Variants in HMGCLL1 observed in about 807,000 individuals in gnomAD.
HMGCLL1 encodes 3-hydroxy-3-methylglutaryl-CoA lyase like 1, also known as 3-hydroxymethyl-3-methylglutaryl-CoA lyase, cytoplasmic.
A neutral mutation model predicts 39.1 loss-of-function variants in HMGCLL1; 36 were observed. The observed-to-expected ratio is 0.92, with a 90% CI of 0.71 to 1.22. The LOEUF (loss-of-function observed/expected upper bound fraction) is 1.22, where lower values mean the gene tolerates loss of function less well. Ranked by LOEUF, HMGCLL1 falls within the 50% of genes most tolerant of loss-of-function variation. The pLI is 0.00. For missense variants in HMGCLL1, 451 were observed against 416.5 expected (o/e 1.08, Z -0.72); for synonymous variants, 149 against 144.0 (o/e 1.03, Z -0.25).
In HMGCLL1 at chr6:55,514,045, T is replaced by C. The variant is rs1767603840; in HGVS notation, c.542+3A>G. The C allele has an allele frequency of 1.2e-6, 2 of 1,609,716 alleles. No individual in the cohort carries two copies. The highest frequency in any genetic ancestry group is 2.2e-5 in the East Asian group (1 of 44,578). On this transcript the variant is annotated splice_donor_region_variant and intron_variant, in intron 5 of 8. Transcript: ENST00000274901. ...AACAGAATTTGTGGGATTTCATAAG[T>C]ACCCTCGTGCTGGAATATTCATGTG...
chr6:55,517,376 A>G (rs1378453699), intron 3 of HMGCLL1, among the ~76,000 whole-genome samples: 3 of 152,100 alleles, frequency 2.0e-5, no homozygotes, highest in African/African-American at 7.2e-5. Flanking sequence ...TACCATTGAC[A>G]TAACCATGAG....
At chr6:55,477,328 TATATAATA>T (rs1765456303) in intron 7 of HMGCLL1, among the ~76,000 whole-genome samples, 1 of 18,060 alleles carries the variant, frequency 5.5e-5, no homozygotes, top group Non-Finnish European at 8.0e-5. Flanking sequence ...TATATTATAT[TATATAATA>T]TATATTATAT....
the HMGCLL1 span, among the ~76,000 whole-genome samples, chr6:55,669,607 G>A: frequency 6.6e-6 from 1 of 151,806 alleles, no homozygotes; most frequent in Non-Finnish European, 1.5e-5. Flanking sequence ...AAGCCATCAC[G>A]AAGTCTTGAA....
At chr6:55,520,973 T>G (rs891427562) in intron 3 of HMGCLL1, among the ~76,000 whole-genome samples, 4 of 152,184 alleles carry the variant, frequency 2.6e-5, no homozygotes, top group Non-Finnish European at 5.9e-5. Flanking sequence ...CGTAACATTC[T>G]GCAAGAGTTT....
At chr6:55,581,565 G>C (rs1771987003), upstream of HMGCLL1, among the ~76,000 whole-genome samples, 1 of 151,854 alleles carries the variant, frequency 6.6e-6, no homozygotes, top group African/African-American at 2.4e-5. Flanking sequence ...ACATCTTTCT[G>C]TTCTGATTAC....
At chr6:55,502,634 G>T (rs1440314453) in intron 5 of HMGCLL1, among the ~76,000 whole-genome samples, 1 of 149,918 alleles carries the variant, frequency 6.7e-6, no homozygotes, top group African/African-American at 2.4e-5. Flanking sequence ...ATTCACTTTT[G>T]TATTTTAATG....
chr6:55,569,799 G>T (rs1216061834), intron 1 of HMGCLL1, among the ~76,000 whole-genome samples: 1 of 152,118 alleles, frequency 6.6e-6, no homozygotes, highest in African/African-American at 2.4e-5. Context: ...GAAACACCAA[G>T]GAACACACTT....
chr6:55,544,077 A>G (rs1279814195), intron 1 of HMGCLL1, among the ~76,000 whole-genome samples: 1 of 151,996 alleles, frequency 6.6e-6, no homozygotes, highest in Non-Finnish European at 1.5e-5. Flanking sequence ...CGCTCCCTGA[A>G]AGACAGACCT....
chr6:55,465,984 T>C (rs2127399671), intron 7 of HMGCLL1, among the ~76,000 whole-genome samples: 1 of 152,224 alleles, frequency 6.6e-6, no homozygotes, highest in South Asian at 2.1e-4. Context: ...AGGATATTAC[T>C]AATAGAAGTT....
chr6:55,674,319 A>G, the HMGCLL1 span, among the ~76,000 whole-genome samples: 1 of 151,762 alleles, frequency 6.6e-6, no homozygotes, highest in South Asian at 2.1e-4. Flanking sequence ...TGATTTGCTG[A>G]GCATGGGATT....
chr6:55,640,242 A>T, the HMGCLL1 span, among the ~76,000 whole-genome samples: 1 of 152,120 alleles, frequency 6.6e-6, no homozygotes, highest in African/African-American at 2.4e-5. Context: ...TACTCCAGTA[A>T]TTTAACTTCT....
intron 1 of HMGCLL1, among the ~76,000 whole-genome samples, chr6:55,575,979 T>C (rs1190195824): frequency 5.9e-5 from 9 of 152,208 alleles, no homozygotes; most frequent in Non-Finnish European, 1.2e-4. Flanking sequence ...AAAACATTAA[T>C]TCATTTGTTC....
the HMGCLL1 span, among the ~76,000 whole-genome samples, chr6:55,614,723 T>C: frequency 2.0e-5 from 3 of 152,144 alleles, no homozygotes; most frequent in Non-Finnish European, 4.4e-5. Context: ...TTTCAACTTT[T>C]ATAGGTTACT....
chr6:55,604,540 T>G, the HMGCLL1 span, among the ~76,000 whole-genome samples: 1 of 152,126 alleles, frequency 6.6e-6, no homozygotes, highest in Non-Finnish European at 1.5e-5. Context: ...AAGAAATTTT[T>G]GAAAGTTAGT....
the HMGCLL1 span, among the ~76,000 whole-genome samples, chr6:55,632,042 G>T: frequency 2.6e-5 from 4 of 151,964 alleles, no homozygotes; most frequent in Non-Finnish European, 5.9e-5. Flanking sequence ...TGTTTGTTTT[G>T]CTTTGTTTTT....
intron 7 of HMGCLL1, among the ~76,000 whole-genome samples, chr6:55,447,118 T>A (rs1243669993): frequency 6.6e-6 from 1 of 152,004 alleles, no homozygotes; most frequent in African/African-American, 2.4e-5. Context: ...TACCCATACA[T>A]GAAGTATTAC....
chr6:55,518,346 A>G (rs1353893223), intron 3 of HMGCLL1, among the ~76,000 whole-genome samples: 1 of 152,134 alleles, frequency 6.6e-6, no homozygotes, highest in Non-Finnish European at 1.5e-5. Context: ...GGAGAGTTTG[A>G]AAGAGCACAT....
the HMGCLL1 span, among the ~76,000 whole-genome samples, chr6:55,652,889 T>C: frequency 2.0e-5 from 3 of 152,076 alleles, no homozygotes; most frequent in Non-Finnish European, 4.4e-5. Flanking sequence ...TTAACACATA[T>C]GTCTTAAATA....
At chr6:55,677,333 G>A in the HMGCLL1 span, among the ~76,000 whole-genome samples, 1 of 152,106 alleles carries the variant, frequency 6.6e-6, no homozygotes, top group African/African-American at 2.4e-5. Flanking sequence ...AGGCTGCAGT[G>A]AGCCTTGGTG....
Sources: allele counts gnomAD v4.1 joint callset (sites outside exome capture counted in the v4.1 genomes callset), GRCh38; gene constraint gnomAD v4.1.1; transcripts MANE v1.5; gene names NCBI Gene and HGNC (gene_info 2026-07-23, HGNC 2026-07-21).